The following RPRD2 variants were observed in gnomAD, a reference collection of about 807,000 sequenced individuals.
RPRD2 encodes the protein regulation of nuclear pre-mRNA domain containing 2.
A neutral mutation model predicts 104.4 loss-of-function variants in RPRD2; 12 were observed. The observed-to-expected ratio is 0.11, with a 90% CI of 0.07 to 0.19. RPRD2 has a LOEUF of 0.19. Among genes scored for constraint, RPRD2 ranks in the 10% least tolerant of loss-of-function variants. RPRD2 has a pLI of 1.00. For synonymous variants in RPRD2, 714 were observed against 684.9 expected (o/e 1.04, Z -0.66); for missense variants, 1,543 against 1,790.1 (o/e 0.86, Z 2.49).
chr1:150,451,674 CAA>C (rs35644538), intron 7 of RPRD2, among the ~76,000 whole-genome samples: 141 of 106,866 alleles, frequency 1.3e-3, no homozygotes, highest in African/African-American at 1.6e-3. Flanking sequence ...GACTCCGTCT[CAA>C]AAAAAAAAAA....
At chr1:150,379,358 A>T (rs1046015316) in intron 1 of RPRD2, among the ~76,000 whole-genome samples, 3 of 151,772 alleles carry the variant, frequency 2.0e-5, no homozygotes, top group African/African-American at 7.3e-5. Context: ...GGGTTAATGG[A>T]TGTTTTTAAA....
chr1:150,445,796 C>T (rs183516589), intron 6 of RPRD2, among the ~76,000 whole-genome samples: 9 of 152,198 alleles, frequency 5.9e-5, no homozygotes, highest in East Asian at 3.9e-4. Context: ...AGGCCGGGCA[C>T]GGTGGCTCAC....
chr1:150,443,184 A>C (rs782376817), intron 4 of RPRD2, 47 bp from the exon 5 acceptor site: 1 of 1,484,878 alleles, frequency 6.7e-7, no homozygotes, highest in South Asian at 1.2e-5. Context: ...CTGTTAGTCA[A>C]CTTTTTGTGT....
Position 150,429,872 on chromosome 1 carries a change from A to G in RPRD2, c.336-11051A>G, listed in dbSNP as rs184646991. 2.0e-4 allele frequency among the ~76,000 whole-genome samples: 31 copies of G among 152,342 alleles called. 1 individual carries two copies. The East Asian group carries it at 3.9e-3, about 19-fold the overall frequency. ...CCTTGACAAAACTTAAGCAGAACCAAAAACAGTGGATGTATTAGAATGGCA... is the reference window on the plus strand; with the variant it reads ...CCTTGACAAAACTTAAGCAGAACCAGAAACAGTGGATGTATTAGAATGGCA... On this transcript the variant is annotated intron_variant, in intron 2 of 10. Coordinates refer to ENST00000369068, the MANE Select transcript of RPRD2 (RefSeq NM_015203.5).
Position 150,428,384 on chromosome 1 carries a change from C to T in RPRD2, c.335+10659C>T, listed in dbSNP as rs980677207. Among the ~76,000 whole-genome samples, 10 of 134,460 alleles carry T rather than the reference C, an allele frequency of 7.4e-5. No individual in the cohort carries two copies. The East Asian group carries it at 1.4e-3, about 19-fold the overall frequency. 88.2% of individuals were successfully genotyped at this position (134,460 alleles called of 152,430 possible). On this transcript the variant is annotated intron_variant, in intron 2 of 10. Coordinates refer to ENST00000369068, the MANE Select transcript of RPRD2 (RefSeq NM_015203.5). The stretch of plus-strand genomic sequence containing the variant: ...AGGAGAATCGCTTGAACCTGGGAGG[C>T]GGAGGTTGCAGTGAGCCGAGATTGC...
At chr1:150,418,635 A>G (rs1261705200) in intron 2 of RPRD2, among the ~76,000 whole-genome samples, 1 of 152,208 alleles carries the variant, frequency 6.6e-6, no homozygotes, top group Non-Finnish European at 1.5e-5. Flanking sequence ...GATCCATACT[A>G]CTTTTCCTTT....
chr1:150,414,524 A>T lies in RPRD2; in HGVS notation c.206-3072A>T, dbSNP rs698919. ...CATTTAAATGAGGATGATCACGGCCAGACTGGCTACCTATACATGATTCTA... is the reference window on the plus strand; with the variant it reads ...CATTTAAATGAGGATGATCACGGCCTGACTGGCTACCTATACATGATTCTA... On this transcript the variant is annotated intron_variant, in intron 1 of 10. Transcript: ENST00000369068. 2.0e-5 allele frequency among the ~76,000 whole-genome samples: 3 copies of T among 152,062 alleles called. No homozygotes were observed. The East Asian group carries it at 5.8e-4, about 29-fold the overall frequency.
chr1:150,412,883 CTT>C (rs1553887936), intron 1 of RPRD2, among the ~76,000 whole-genome samples: 1 of 151,758 alleles, frequency 6.6e-6, no homozygotes, highest in African/African-American at 2.4e-5. Flanking sequence ...AATCTGTAGA[CTT>C]AATACCTGGG....
intron 2 of RPRD2, among the ~76,000 whole-genome samples, chr1:150,439,256 T>C (rs1447079197): frequency 1.3e-5 from 2 of 152,228 alleles, no homozygotes; most frequent in African/African-American, 2.4e-5. Flanking sequence ...CTTTTTCTTC[T>C]ATAAATGTTA....
chr1:150,457,205 C>A, intron 7 of RPRD2, 83 bp from the exon 8 acceptor site: 1 of 1,352,474 alleles, frequency 7.4e-7, no homozygotes, highest in Non-Finnish European at 1.0e-6. Context: ...GCCTGGGTGA[C>A]AAAGTGAGAC....
chr1:150,439,627 C>CTT (rs66814229), intron 2 of RPRD2, among the ~76,000 whole-genome samples: 45,144 of 142,056 alleles, frequency 0.32, 7,990 homozygotes, highest in Non-Finnish European at 0.4. Context: ...TTTGACATAG[C>CTT]TTTTTTTTTT....
At chr1:150,431,485 T>TGTTTGTTTGTTTTTTTG (rs1665578893) in intron 2 of RPRD2, among the ~76,000 whole-genome samples, 4 of 141,954 alleles carry the variant, frequency 2.8e-5, no homozygotes, top group Admixed American at 1.5e-4. Flanking sequence ...TTTTTTTTTT[T>TGTTTGTTTGTTTTTTTG]TTTTTTTTTT....
At chr1:150,395,365 TTGTGTGTGTGTGTGTG>T (rs10524632) in intron 1 of RPRD2, among the ~76,000 whole-genome samples, 2 of 144,074 alleles carry the variant, frequency 1.4e-5, no homozygotes, top group African/African-American at 2.6e-5. Context: ...TAGTATTCCA[TTGTGTGTGTGTGTGTG>T]TGTGTGTGTG....
At chr1:150,389,241 G>A (rs1308126814) in intron 1 of RPRD2, among the ~76,000 whole-genome samples, 2 of 151,920 alleles carry the variant, frequency 1.3e-5, no homozygotes, top group African/African-American at 4.8e-5. Flanking sequence ...GTAGCAACAG[G>A]GTTTCACCAT....
intron 1 of RPRD2, among the ~76,000 whole-genome samples, chr1:150,403,621 T>C (rs879964472): frequency 2.0e-5 from 3 of 152,074 alleles, no homozygotes; most frequent in African/African-American, 7.2e-5. Flanking sequence ...GTGGATAATA[T>C]TCCATTGTAT....
chr1:150,376,187 G>A (rs1377692220), intron 1 of RPRD2, among the ~76,000 whole-genome samples: 1 of 152,122 alleles, frequency 6.6e-6, no homozygotes, highest in Non-Finnish European at 1.5e-5. Flanking sequence ...AAAATGTTTG[G>A]TTTGCTGGGT....
intron 2 of RPRD2, among the ~76,000 whole-genome samples, chr1:150,425,254 T>C (rs1665041734): frequency 6.6e-6 from 1 of 152,228 alleles, no homozygotes; most frequent in African/African-American, 2.4e-5. Flanking sequence ...GGAAGATGAC[T>C]GTGCCTACTA....
At chr1:150,365,771 A>G (rs1659795434) in intron 1 of RPRD2, among the ~76,000 whole-genome samples, 1 of 152,022 alleles carries the variant, frequency 6.6e-6, no homozygotes. Flanking sequence ...TTGTATTTTT[A>G]GTAGAGACGG....
At position 150,364,464 on chromosome 1, in the gene RPRD2, C is replaced by T. The variant is rs1659667963; in HGVS notation, c.-251C>T. Among the ~76,000 whole-genome samples the T allele has an allele frequency of 6.6e-6, 1 of 152,044 alleles. No individual in the cohort carries two copies. Among genetic ancestry groups the T allele is most frequent in the Non-Finnish European group, 1.5e-5 (1 of 67,988 alleles). On this transcript the variant is annotated 5_prime_UTR_variant, in exon 1 of 11. Coordinates refer to ENST00000369068, the MANE Select transcript of RPRD2 (RefSeq NM_015203.5). ...TTACTGACTGGTTTAAACACGACCCCTTGAACAATATTGATAAAACCTCCG... is the reference window on the plus strand; with the variant it reads ...TTACTGACTGGTTTAAACACGACCCTTTGAACAATATTGATAAAACCTCCG...
Sources: allele counts gnomAD v4.1 joint callset (sites outside exome capture counted in the v4.1 genomes callset), GRCh38; gene constraint gnomAD v4.1.1; transcripts MANE v1.5; gene names NCBI Gene and HGNC (gene_info 2026-07-23, HGNC 2026-07-21).